ATXN2: variants seen among roughly 807,000 people sequenced by gnomAD.
ATXN2 encodes the protein ataxin 2.
Under a neutral mutation model 138.6 loss-of-function variants are expected in ATXN2, and 37 were observed. The observed-to-expected ratio is 0.27, with a 90% confidence interval of 0.21 to 0.35. The LOEUF (loss-of-function observed/expected upper bound fraction) is 0.35. Ranked by LOEUF, ATXN2 falls within the 10% of genes least tolerant of loss-of-function variation. The probability of loss-of-function intolerance (pLI) is 1.00; values close to 1 mark genes in which losing one functional copy is unlikely to be tolerated. For missense variants in ATXN2, 1,216 were observed against 1,480.3 expected (o/e 0.82, Z 2.93); for synonymous variants, 549 against 543.7 (o/e 1.01, Z -0.13).
chr12:111,582,187 G>A (rs1884043582), intron 1 of ATXN2, among the ~76,000 whole-genome samples: 1 of 152,060 alleles, frequency 6.6e-6, no homozygotes, highest in Admixed American at 6.6e-5. Flanking sequence ...TTAAATTGTA[G>A]GGCGCAGACA....
intron 1 of ATXN2, among the ~76,000 whole-genome samples, chr12:111,589,709 T>A (rs1884549766): frequency 6.6e-6 from 1 of 151,688 alleles, no homozygotes; most frequent in Non-Finnish European, 1.5e-5. Flanking sequence ...GAGGCAGAGG[T>A]TGCACTGAGC....
At chr12:111,530,944 G>T (rs933893246) in intron 5 of ATXN2, among the ~76,000 whole-genome samples, 18 of 151,502 alleles carry the variant, frequency 1.2e-4, no homozygotes, top group African/African-American at 4.1e-4. Context: ...TGACCAACAT[G>T]GAGAAACCCC....
intron 1 of ATXN2, among the ~76,000 whole-genome samples, chr12:111,579,973 T>C (rs906882978): frequency 6.6e-6 from 1 of 152,118 alleles, no homozygotes; most frequent in Admixed American, 6.6e-5. Context: ...GTGCTGGGAT[T>C]ACAGGCGTGA....
rs373436951 is a variant in ATXN2 at position 111,576,085 on chromosome 12, A to AATAACATAACATAAC, written c.252-20181_252-20167dup. ...CGACAAGAGACAAACTCTGTCTTAA[A>AATAACATAACATAAC]ATAACATAACATAACATAACATAAC... On this transcript the variant is annotated intron_variant, in intron 1 of 24. Transcript: ENST00000673436. Among the ~76,000 whole-genome samples the AATAACATAACATAAC allele has an allele frequency of 0.022, 2,708 of 123,444 alleles. 266 individuals carry two copies. In the East Asian group the frequency reaches 0.29, roughly 13 times the overall value. 81.0% of individuals were successfully genotyped at this position (123,444 alleles called of 152,430 possible). A position where few individuals can be genotyped will look rare whatever the true frequency, so the allele number is the denominator to read the frequency against.
At chr12:111,585,801 CAAAA>C (rs761433806) in intron 1 of ATXN2, among the ~76,000 whole-genome samples, 8 of 24,800 alleles carry the variant, frequency 3.2e-4, no homozygotes, top group Admixed American at 7.1e-4. Context: ...AACTCCATCT[CAAAA>C]AAAAAAAAAA....
intron 1 of ATXN2, among the ~76,000 whole-genome samples, chr12:111,564,316 GGA>G (rs1882867985): frequency 6.6e-6 from 1 of 151,116 alleles, no homozygotes; most frequent in Non-Finnish European, 1.5e-5. Context: ...TCAGAACAAG[GGA>G]AAGAAAAAAA....
At chr12:111,596,300 T>A (rs1311227303) in intron 1 of ATXN2, among the ~76,000 whole-genome samples, 1 of 151,214 alleles carries the variant, frequency 6.6e-6, no homozygotes, top group Non-Finnish European at 1.5e-5. Context: ...TTATCTTTCC[T>A]AAAACAGCCA....
At chr12:111,504,650 T>C (rs1475034754) in intron 14 of ATXN2, among the ~76,000 whole-genome samples, 2 of 152,050 alleles carry the variant, frequency 1.3e-5, no homozygotes, top group Admixed American at 1.3e-4. Flanking sequence ...TACGGAAGAA[T>C]GAATCTGAAC....
Position 111,590,600 on chromosome 12 carries a change from G to A in ATXN2, c.251+8184C>T, listed in dbSNP as rs559755647. On this transcript the variant is annotated intron_variant, in intron 1 of 24. Transcript: ENST00000673436. ...CATGGGAGGCTAAGGCAGGAGAATC[G>A]CTTGAACCCGGGAGGCAGAGGTTGC... Among the ~76,000 whole-genome samples, 9 of 151,836 alleles carry A rather than the reference G, an allele frequency of 5.9e-5. No homozygotes were observed. The South Asian group carries it at 1.9e-3, about 32-fold the overall frequency.
At chr12:111,457,478 A>G in intron 21 of ATXN2, 119 bp from the exon 22 acceptor site, 1 of 1,134,094 alleles carries the variant, frequency 8.8e-7, no homozygotes, top group Non-Finnish European at 1.2e-6. Context: ...CGCCACTACC[A>G]ATTTCTATAG....
At chr12:111,558,291 CATTAGT>C (rs1168682843) in intron 1 of ATXN2, among the ~76,000 whole-genome samples, 1 of 152,078 alleles carries the variant, frequency 6.6e-6, no homozygotes, top group African/African-American at 2.4e-5. Context: ...TTAATCTTTT[CATTAGT>C]ATCTCAAACC....
intron 14 of ATXN2, among the ~76,000 whole-genome samples, chr12:111,507,836 G>T (rs1370156354): frequency 2.0e-5 from 3 of 152,200 alleles, no homozygotes; most frequent in Non-Finnish European, 4.4e-5. Flanking sequence ...TTCTGCCTTG[G>T]GATCCTGTTG....
chr12:111,470,438 T>C (rs1257707878), intron 19 of ATXN2, 120 bp downstream of exon 19: 4 of 1,225,550 alleles, frequency 3.3e-6, no homozygotes, highest in African/African-American at 1.5e-5. Context: ...GGTCCCCAAG[T>C]CCTTAGCTAT....
intron 1 of ATXN2, among the ~76,000 whole-genome samples, chr12:111,579,356 G>A (rs538076176): frequency 3.3e-5 from 5 of 152,134 alleles, no homozygotes; most frequent in African/African-American, 4.8e-5. Flanking sequence ...TCTGCCTCCC[G>A]GGTTCAAGCG....
At chr12:111,492,692 A>G (rs1029751961) in intron 14 of ATXN2, among the ~76,000 whole-genome samples, 10 of 151,838 alleles carry the variant, frequency 6.6e-5, no homozygotes, top group Admixed American at 5.2e-4. Flanking sequence ...AAAAACAGAA[A>G]AAAAAAAAAA....
At position 111,598,541 on chromosome 12, in the gene ATXN2, T is replaced by C. The variant is rs1178406320; in HGVS notation, c.251+243A>G. ...GGGAGGCCGCCCGCTCCCTCCATCT[T>C]GACCGCCGGGGGAGGGGGCGGGGAT... On this transcript the variant is annotated intron_variant, in intron 1 of 24. Coordinates refer to ENST00000673436, the MANE Select transcript of ATXN2 (RefSeq NM_001372574.1). This position sits in a 1 kb window ranked among gnomAD's most constrained non-coding sequence, Gnocchi z 4.5. 5.8e-5 allele frequency: 57 copies of C among 984,828 alleles called. No homozygotes were observed. The highest frequency in any genetic ancestry group is 6.9e-5 in the Non-Finnish European group (57 of 829,754). 61.0% of individuals were successfully genotyped at this position (984,828 alleles called of 1,614,324 possible).
At chr12:111,558,397 T>TA (rs1193161728) in intron 1 of ATXN2, among the ~76,000 whole-genome samples, 1 of 152,254 alleles carries the variant, frequency 6.6e-6, no homozygotes, top group Non-Finnish European at 1.5e-5. Context: ...TATTTATGAT[T>TA]AGATAGATCA....
intron 16 of ATXN2, among the ~76,000 whole-genome samples, chr12:111,486,271 T>C (rs796447329): frequency 3.3e-5 from 5 of 152,364 alleles, no homozygotes; most frequent in African/African-American, 1.2e-4. Context: ...TAAAATCATG[T>C]AGTATTCGCA....
chr12:111,539,864 T>C (rs1057196666), intron 5 of ATXN2, among the ~76,000 whole-genome samples: 1 of 150,416 alleles, frequency 6.6e-6, no homozygotes, highest in African/African-American at 2.4e-5. Flanking sequence ...AATTTAGGAA[T>C]TGAAATGCCA....
Sources: allele counts gnomAD v4.1 joint callset (sites outside exome capture counted in the v4.1 genomes callset), GRCh38; gene constraint gnomAD v4.1.1; non-coding constraint Gnocchi (gnomAD v3.1); transcripts MANE v1.5; gene names NCBI Gene and HGNC (gene_info 2026-07-23, HGNC 2026-07-21).